Variants in KSR2 observed in about 807,000 individuals in gnomAD.
KSR2 encodes kinase suppressor of ras 2.
In KSR2, 25 loss-of-function variants were observed where a neutral mutation model predicts 107.8. That is an observed-to-expected ratio of 0.23 (90% confidence interval 0.17 to 0.32). The LOEUF (loss-of-function observed/expected upper bound fraction) is 0.32, where lower values mean the gene tolerates loss of function less well. KSR2 is among the 10% of genes least tolerant of loss of function. KSR2 has a pLI of 1.00. For missense variants in KSR2, 887 were observed against 1,268.9 expected (o/e 0.70, Z 4.57); for synonymous variants, 480 against 507.0 (o/e 0.95, Z 0.71).
At chr12:117,740,454 G>A (rs1426465722) in intron 4 of KSR2, among the ~76,000 whole-genome samples, 1 of 85,140 alleles carries the variant, frequency 1.2e-5, no homozygotes, top group African/African-American at 3.7e-5. Flanking sequence ...TATGTATATA[G>A]TACATATATT....
chr12:117,692,449 CATATATATATATATATATATATATATAT>C (rs57091494), intron 4 of KSR2, among the ~76,000 whole-genome samples: 6,241 of 84,262 alleles, frequency 0.074, 467 homozygotes, highest in Middle Eastern at 0.11. Context: ...CAACTTCACT[CATATATATATATATATATATATATATAT>C]ATATATATAT....
intron 2 of KSR2, among the ~76,000 whole-genome samples, chr12:117,859,425 G>T (rs1480079821): frequency 6.7e-6 from 1 of 150,362 alleles, no homozygotes; most frequent in Non-Finnish European, 1.5e-5. Flanking sequence ...GAGCCACCGC[G>T]CCTGGCCTGT....
intron 4 of KSR2, among the ~76,000 whole-genome samples, chr12:117,711,161 C>T (rs989366847): frequency 3.9e-5 from 6 of 152,146 alleles, no homozygotes; most frequent in African/African-American, 1.2e-4. Context: ...CCTCCAGACC[C>T]CAAATTTCAA....
intron 3 of KSR2, among the ~76,000 whole-genome samples, chr12:117,825,790 A>G (rs1891721710): frequency 6.6e-6 from 1 of 152,016 alleles, no homozygotes; most frequent in African/African-American, 2.4e-5. Context: ...GTGTCTATAT[A>G]TTAGATGGAG....
chr12:117,832,779 C>T (rs1892026693), intron 3 of KSR2, among the ~76,000 whole-genome samples: 1 of 152,246 alleles, frequency 6.6e-6, no homozygotes, highest in Non-Finnish European at 1.5e-5. Flanking sequence ...GTCCAACCTA[C>T]TCCTAGGCTA....
At chr12:117,664,741 A>G (rs1593107463) in intron 5 of KSR2, among the ~76,000 whole-genome samples, 1 of 152,318 alleles carries the variant, frequency 6.6e-6, no homozygotes, top group East Asian at 1.9e-4. Context: ...GATACAATGC[A>G]GGCTAGATTG....
chr12:117,955,434 A>G (rs1007277237), intron 1 of KSR2, among the ~76,000 whole-genome samples: 62 of 152,120 alleles, frequency 4.1e-4, no homozygotes, highest in Non-Finnish European at 4.4e-5. Context: ...TTTATAAACA[A>G]GGAAACTGAG....
chr12:117,672,926 G>C (rs1884974418), intron 4 of KSR2, among the ~76,000 whole-genome samples: 1 of 152,252 alleles, frequency 6.6e-6, no homozygotes, highest in Admixed American at 6.5e-5. Context: ...ACTGCGCCTG[G>C]TGATATCCAA....
chr12:117,724,587 CCCCCG>C (rs202220341), intron 4 of KSR2, among the ~76,000 whole-genome samples: 58,451 of 151,250 alleles, frequency 0.39, 11,482 homozygotes, highest in Middle Eastern at 0.49. Context: ...TGCCCCCCCA[CCCCCG>C]GCCGCCTGCA....
chr12:117,573,161 G>A (rs184097249), intron 7 of KSR2, among the ~76,000 whole-genome samples: 7 of 152,116 alleles, frequency 4.6e-5, no homozygotes, highest in Non-Finnish European at 1.0e-4. Flanking sequence ...TGATAATTCC[G>A]GAGGAAGTGG....
intron 4 of KSR2, among the ~76,000 whole-genome samples, chr12:117,722,217 G>T (rs1410414717): frequency 6.6e-6 from 1 of 151,984 alleles, no homozygotes; most frequent in Non-Finnish European, 1.5e-5. Flanking sequence ...ATAGCTAGTG[G>T]CTACCATATT....
intron 1 of KSR2, among the ~76,000 whole-genome samples, chr12:117,965,540 T>C (rs1399207828): frequency 6.6e-6 from 1 of 152,238 alleles, no homozygotes; most frequent in Non-Finnish European, 1.5e-5. Context: ...TCTACAGAAG[T>C]GTATACATGC....
chr12:117,862,267 A>G (rs1288344728), intron 1 of KSR2, among the ~76,000 whole-genome samples: 3 of 152,158 alleles, frequency 2.0e-5, no homozygotes, highest in African/African-American at 7.2e-5. Context: ...TTTAATAAAG[A>G]TAATTAAATA....
intron 5 of KSR2, among the ~76,000 whole-genome samples, chr12:117,659,445 C>T (rs1884329303): frequency 1.3e-5 from 2 of 152,154 alleles, no homozygotes; most frequent in South Asian, 4.1e-4. Flanking sequence ...AGCTCACGTC[C>T]GCATGCTTCA....
rs139749308 is a variant in KSR2, at chr12:117,833,513, C to T, written c.472+21915G>A. On this transcript the variant is annotated intron_variant, in intron 3 of 19. Transcript: ENST00000339824. ...GAATAGCTGGGACTACAGGCACACA[C>T]GACCAAGCCCAGCTGATTTTTTTAT... 3.9e-3 allele frequency among the ~76,000 whole-genome samples: 595 copies of T among 152,230 alleles called. 7 individuals are homozygous for T. Among genetic ancestry groups the T allele is most frequent in the African/African-American group, 0.014 (570 of 41,534 alleles).
At chr12:117,510,999 C>T (rs889167105) in intron 14 of KSR2, among the ~76,000 whole-genome samples, 5 of 152,088 alleles carry the variant, frequency 3.3e-5, no homozygotes, top group African/African-American at 4.8e-5. Context: ...TTAATCTTCA[C>T]ATTTATCCCA....
intron 5 of KSR2, among the ~76,000 whole-genome samples, chr12:117,657,520 T>A (rs1238911960): frequency 6.6e-6 from 1 of 152,218 alleles, no homozygotes; most frequent in African/African-American, 2.4e-5. Context: ...AAGAGCTGCT[T>A]ATTTTTCAAT....
intron 1 of KSR2, among the ~76,000 whole-genome samples, chr12:117,965,573 C>T (rs1896761685): frequency 6.6e-6 from 1 of 152,210 alleles, no homozygotes; most frequent in Non-Finnish European, 1.5e-5. Context: ...TTCATTATCA[C>T]AGCACTGTTC....
chr12:117,534,737 G>C (rs1408988226), intron 10 of KSR2, among the ~76,000 whole-genome samples: 5 of 151,996 alleles, frequency 3.3e-5, no homozygotes, highest in African/African-American at 1.2e-4. Flanking sequence ...GAGGTGGGGA[G>C]ATTATCCTAG....
Sources: gnomAD v4.1 joint callset for allele counts (sites outside exome capture counted in the v4.1 genomes callset) on GRCh38, gnomAD v4.1.1 for gene constraint, MANE v1.5 for transcripts, NCBI Gene and HGNC (gene_info 2026-07-23, HGNC 2026-07-21) for gene names.